RERE: variants seen among roughly 807,000 people sequenced by gnomAD.
RERE encodes the protein arginine-glutamic acid dipeptide repeats protein.
A neutral mutation model predicts 146.1 loss-of-function variants in RERE; 40 were observed. The ratio of observed to expected loss-of-function variants is 0.27; its 90% CI spans 0.21 to 0.36. The LOEUF (loss-of-function observed/expected upper bound fraction) is 0.36. RERE is among the 10% of genes least tolerant of loss of function. RERE has a pLI of 1.00. For synonymous variants in RERE, 1,003 were observed against 866.0 expected (o/e 1.16, Z -2.78); for missense variants, 1,933 against 2,138.7 (o/e 0.90, Z 1.90).
At chr1:8,635,614 T>C (rs1647088479) in intron 2 of RERE, among the ~76,000 whole-genome samples, 1 of 152,160 alleles carries the variant, frequency 6.6e-6, no homozygotes, top group African/African-American at 2.4e-5. Context: ...AAAAATTACG[T>C]TTTGAACATC....
intron 4 of RERE, among the ~76,000 whole-genome samples, chr1:8,608,338 A>G (rs1646747960): frequency 6.6e-6 from 1 of 152,102 alleles, no homozygotes; most frequent in Non-Finnish European, 1.5e-5. Context: ...CCCTGTCTCT[A>G]CAAAAATTTA....
At chr1:8,596,567 T>C (rs1570485083) in intron 4 of RERE, among the ~76,000 whole-genome samples, 3 of 152,200 alleles carry the variant, frequency 2.0e-5, no homozygotes, top group East Asian at 3.9e-4. Context: ...GGTATAGTAG[T>C]ACAATCATAA....
chr1:8,492,057 T>A (rs1644985967), intron 10 of RERE, among the ~76,000 whole-genome samples: 1 of 152,208 alleles, frequency 6.6e-6, no homozygotes, highest in African/African-American at 2.4e-5. Context: ...TCGGAGTCAG[T>A]TCAACAGTGA....
rs974307406 is a variant in RERE at position 8,358,329 on chromosome 1, G to A, written c.4206C>T (p.His1402=). 2.1e-5 allele frequency: 34 copies of A among 1,613,162 alleles called. 1 individual carries two copies. The highest frequency in any genetic ancestry group is 3.3e-5 in the South Asian group (3 of 91,086). ...TGGTCAGCGATGCCATGCGCTCTGCGTGGATACGCTCGGCTGCCAGTCTGT... is the reference window on the plus strand; with the variant it reads ...TGGTCAGCGATGCCATGCGCTCTGCATGGATACGCTCGGCTGCCAGTCTGT... The part of the protein sequence containing the change: ...YPDRLAAERI[H]AERMASLTSD... The change falls in exon 20 of 23, where the codon CAC becomes CAT. Residue 1402 remains histidine (H), a synonymous_variant. Coordinates refer to ENST00000400908, the MANE Select transcript of RERE (RefSeq NM_001042681.2).
chr1:8,381,099 TACAC>T (rs1428593977), intron 12 of RERE: 1 of 437,616 alleles, frequency 2.3e-6, no homozygotes, highest in South Asian at 1.6e-5. Context: ...CACCACCTCA[TACAC>T]ACTTTACTGA....
At chr1:8,593,153 A>G (rs1409983376) in intron 4 of RERE, among the ~76,000 whole-genome samples, 2 of 152,162 alleles carry the variant, frequency 1.3e-5, no homozygotes, top group Non-Finnish European at 1.5e-5. Flanking sequence ...CCCATTTTCC[A>G]TAATAACAGA....
At chr1:8,808,386 T>G (rs1641730403) in intron 1 of RERE, among the ~76,000 whole-genome samples, 1 of 152,168 alleles carries the variant, frequency 6.6e-6, no homozygotes, top group Non-Finnish European at 1.5e-5. Flanking sequence ...ATCTCCTGAT[T>G]ATTATAAACA....
At chr1:8,388,598 C>T (rs986522587) in intron 12 of RERE, among the ~76,000 whole-genome samples, 11 of 152,278 alleles carry the variant, frequency 7.2e-5, no homozygotes, top group East Asian at 1.9e-4. Flanking sequence ...GGATTACAGG[C>T]GTGAGCCACC....
intron 1 of RERE, among the ~76,000 whole-genome samples, chr1:8,805,669 A>T (rs1641676612): frequency 6.6e-6 from 1 of 150,918 alleles, no homozygotes; most frequent in East Asian, 2.0e-4. Context: ...AAAAAAACAA[A>T]AACAAAAATT....
chr1:8,743,792 A>C (rs1640364155), intron 1 of RERE, among the ~76,000 whole-genome samples: 1 of 151,962 alleles, frequency 6.6e-6, no homozygotes, highest in Admixed American at 6.6e-5. Context: ...GTTATTCTTT[A>C]GGCCCACCAT....
chr1:8,800,627 C>T (rs916680990), intron 1 of RERE, among the ~76,000 whole-genome samples: 1 of 151,994 alleles, frequency 6.6e-6, no homozygotes, highest in African/African-American at 2.4e-5. Context: ...GCTATGATTG[C>T]GCCACCACAC....
In RERE at chr1:8,796,401, G is replaced by A. The variant is rs555938403; in HGVS notation, c.-145+20759C>T. On this transcript the variant is annotated intron_variant, in intron 1 of 22. Transcript: ENST00000400908. ...ATCTTCAATCTCCCTATGAAAAGCT[G>A]AAGGAAAAGAAAATCTAATTAAAAG... Among the ~76,000 whole-genome samples, 7 of 152,002 alleles carry A rather than the reference G, an allele frequency of 4.6e-5. No individual in the cohort carries two copies. The South Asian group carries it at 1.5e-3, about 32-fold the overall frequency.
At chr1:8,448,969 A>C (rs1368135272) in intron 11 of RERE, among the ~76,000 whole-genome samples, 1 of 152,176 alleles carries the variant, frequency 6.6e-6, no homozygotes, top group Non-Finnish European at 1.5e-5. Flanking sequence ...AACCTCACGC[A>C]TGAAACCTCA....
intron 2 of RERE, among the ~76,000 whole-genome samples, chr1:8,631,928 T>G (rs1160405900): frequency 2.6e-5 from 4 of 152,208 alleles, no homozygotes; most frequent in Non-Finnish European, 5.9e-5. Flanking sequence ...ACTTCCAGGC[T>G]TCACTCACTC....
intron 1 of RERE, among the ~76,000 whole-genome samples, chr1:8,695,148 G>A (rs958491076): frequency 1.8e-4 from 27 of 152,052 alleles, no homozygotes; most frequent in Admixed American, 1.4e-3. Flanking sequence ...CTTTGACAAT[G>A]CTGACAAAAA....
At chr1:8,798,628 T>C (rs1641527285) in intron 1 of RERE, 1 of 219,076 alleles carries the variant, frequency 4.6e-6, no homozygotes, top group Non-Finnish European at 9.9e-6. Flanking sequence ...TTGACCACTA[T>C]CCCCACAAAC....
intron 1 of RERE, among the ~76,000 whole-genome samples, chr1:8,816,099 C>G (rs1641906471): frequency 6.6e-6 from 1 of 152,130 alleles, no homozygotes; most frequent in Non-Finnish European, 1.5e-5. Context: ...CTAAAAAGAC[C>G]AGTGTACACT....
intron 11 of RERE, among the ~76,000 whole-genome samples, chr1:8,460,630 A>G (rs1644514015): frequency 6.6e-6 from 1 of 152,228 alleles, no homozygotes; most frequent in South Asian, 2.1e-4. Context: ...TTACATCAAA[A>G]TTGATATAAA....
chr1:8,470,356 A>T (rs986992406), intron 10 of RERE, among the ~76,000 whole-genome samples: 1 of 151,828 alleles, frequency 6.6e-6, no homozygotes, highest in Non-Finnish European at 1.5e-5. Context: ...TCCGCCTCCC[A>T]GTTCAAGCGA....
Sources: allele counts gnomAD v4.1 joint callset (sites outside exome capture counted in the v4.1 genomes callset), GRCh38; gene constraint gnomAD v4.1.1; transcripts MANE v1.5; gene names NCBI Gene and HGNC (gene_info 2026-07-23, HGNC 2026-07-21).